The following IL20RA variants were observed in gnomAD, a reference collection of about 807,000 sequenced individuals.
The protein encoded by IL20RA is interleukin-20 receptor subunit alpha.
IL20RA carries 29 observed loss-of-function variants against 36.5 expected under a neutral mutation model. The observed-to-expected ratio is 0.79, with a 90% CI of 0.59 to 1.08. The LOEUF is 1.08. IL20RA is among the 50% of genes least tolerant of loss of function. IL20RA has a pLI of 0.00. For missense variants in IL20RA, 652 were observed against 668.4 expected, an observed-to-expected ratio of 0.98 and a Z score of 0.27; for synonymous variants, 279 against 267.1, an observed-to-expected ratio of 1.04 and a Z score of -0.43.
intron 1 of IL20RA, among the ~76,000 whole-genome samples, chr6:137,020,546 C>T (rs45758): frequency 0.82 from 122,953 of 150,388 alleles, 55,762 homozygotes; most frequent in East Asian, 1. Context: ...CTTGCCTTAA[C>T]AATTTTGAGA....
intron 1 of IL20RA, among the ~76,000 whole-genome samples, chr6:137,018,728 A>C (rs1775795001): frequency 6.6e-6 from 1 of 152,170 alleles, no homozygotes; most frequent in South Asian, 2.1e-4. Flanking sequence ...TCTCAATTTT[A>C]ATCAGATTTT....
intron 5 of IL20RA, among the ~76,000 whole-genome samples, chr6:137,005,725 C>G (rs560717740): frequency 6.6e-6 from 1 of 152,040 alleles, no homozygotes; most frequent in African/African-American, 2.4e-5. Context: ...CAGATTACTA[C>G]CTATAATGTG....
intron 1 of IL20RA, among the ~76,000 whole-genome samples, chr6:137,021,674 T>G (rs1775912572): frequency 6.6e-6 from 1 of 151,938 alleles, no homozygotes; most frequent in Admixed American, 6.6e-5. Flanking sequence ...TCTCAAAAAA[T>G]AAAATGTTGA....
At chr6:137,005,646 T>TTTG (rs1019141217) in intron 5 of IL20RA, among the ~76,000 whole-genome samples, 3 of 151,974 alleles carry the variant, frequency 2.0e-5, no homozygotes, top group African/African-American at 4.8e-5. Flanking sequence ...TGTGAAGGTT[T>TTTG]TTGTTGTTGT....
At chr6:137,009,053 G>A (rs115133173) in intron 4 of IL20RA, 144 of 577,638 alleles carry the variant, frequency 2.5e-4, no homozygotes, top group Non-Finnish European at 2.1e-5. Context: ...CTGTGCAAGT[G>A]AAAGCTCTTC....
chr6:137,004,161 T>TTTTTTTTTTTTG (rs1775184163), intron 6 of IL20RA, among the ~76,000 whole-genome samples: 1 of 14,984 alleles, frequency 6.7e-5, no homozygotes, highest in African/African-American at 1.4e-4. Flanking sequence ...CCAGAAAGCT[T>TTTTTTTTTTTTG]TTTTTTTTTT....
intron 1 of IL20RA, among the ~76,000 whole-genome samples, chr6:137,026,976 G>T (rs1049545306): frequency 6.6e-6 from 1 of 151,998 alleles, no homozygotes; most frequent in African/African-American, 2.4e-5. Flanking sequence ...CCGCCTCCCA[G>T]GCTGAAGCCA....
chr6:137,015,422 T>C (rs1775649261), intron 2 of IL20RA, among the ~76,000 whole-genome samples: 1 of 152,244 alleles, frequency 6.6e-6, no homozygotes, highest in Non-Finnish European at 1.5e-5. Context: ...TTATGCACTC[T>C]AACAAAATTA....
chr6:137,002,614 GT>G (rs1173837996), intron 6 of IL20RA, among the ~76,000 whole-genome samples: 21 of 152,222 alleles, frequency 1.4e-4, no homozygotes, highest in African/African-American at 4.8e-4. Flanking sequence ...GGGCTGGGGC[GT>G]TGGTGCCCCC....
chr6:137,002,029 TGTTTTATCCGGGG>T lies in IL20RA; in HGVS notation c.1178_1190del (p.Pro393GlnfsTer61). 12 of 1,614,208 alleles carry T rather than the reference TGTTTTATCCGGGG, an allele frequency of 7.4e-6. No homozygotes were observed. Among genetic ancestry groups the T allele is most frequent in the Non-Finnish European group, 1.0e-5 (12 of 1,180,034 alleles). On this transcript the variant is annotated frameshift_variant, in exon 7 of 7. Transcript: ENST00000316649. LOFTEE classifies it low-confidence loss of function (END_TRUNC). ...TGACATCATATTCATATTCAATGAC[TGTTTTATCCGGGG>T]GTATTGTTCTGCTGAGGGACTCTTG...
chr6:137,031,061 A>G (rs1252540957), intron 1 of IL20RA, among the ~76,000 whole-genome samples: 1 of 152,232 alleles, frequency 6.6e-6, no homozygotes, highest in Non-Finnish European at 1.5e-5. Flanking sequence ...TTGTTATTAT[A>G]TGAATAACTG....
intron 1 of IL20RA, among the ~76,000 whole-genome samples, chr6:137,041,813 T>A (rs987874526): frequency 2.2e-4 from 30 of 136,252 alleles, no homozygotes; most frequent in Admixed American, 1.1e-3. Flanking sequence ...TATTTTTTTT[T>A]AAATATATAT....
In IL20RA at chr6:137,021,578, T is replaced by C. The variant is rs532746580; in HGVS notation, c.89-4475A>G. On this transcript the variant is annotated intron_variant, in intron 1 of 6. Transcript: ENST00000316649. The stretch of plus-strand genomic sequence containing the variant: ...CCTGTAGTCCCAGCTATTTGGGAGG[T>C]TGGGGCAGGAGAATCACTTGAACCA... Among the ~76,000 whole-genome samples the C allele has an allele frequency of 4.1e-4, 61 of 149,826 alleles. 1 individual carries two copies. In the South Asian group the frequency reaches 0.013, roughly 31 times the overall value.
chr6:137,014,688 T>TA (rs1425964566), intron 2 of IL20RA, among the ~76,000 whole-genome samples: 2 of 152,168 alleles, frequency 1.3e-5, no homozygotes, highest in Non-Finnish European at 2.9e-5. Context: ...TGAAAATCAG[T>TA]ACACTTATAG....
intron 1 of IL20RA, among the ~76,000 whole-genome samples, chr6:137,022,032 ACCT>A (rs1400043736): frequency 6.6e-6 from 1 of 152,122 alleles, no homozygotes; most frequent in African/African-American, 2.4e-5. Flanking sequence ...CATACTCTTA[ACCT>A]CCTCACTCAC....
At chr6:137,019,245 G>A (rs957933091) in intron 1 of IL20RA, among the ~76,000 whole-genome samples, 2 of 151,756 alleles carry the variant, frequency 1.3e-5, no homozygotes, top group African/African-American at 4.8e-5. Context: ...TCTTGCCTCA[G>A]CCTCCCAAAT....
intron 1 of IL20RA, among the ~76,000 whole-genome samples, chr6:137,026,255 T>A (rs1004561596): frequency 6.6e-6 from 1 of 152,230 alleles, no homozygotes; most frequent in Non-Finnish European, 1.5e-5. Context: ...CCAGGTCTTA[T>A]AAGGTCTTTG....
rs1775030241 is a variant in IL20RA, at chr6:137,001,501, C to T, written c.*57G>A. On this transcript the variant is annotated 3_prime_UTR_variant, in exon 7 of 7. Coordinates refer to ENST00000316649, the MANE Select transcript of IL20RA (RefSeq NM_014432.4). ...ATCCCAGGTACTTTATGGCTGGGAT[C>T]AAAGGGGTGACTCACTTGTTTGCAC... The T allele has an allele frequency of 1.4e-6, 2 of 1,457,440 alleles. No homozygotes were observed. Among genetic ancestry groups the T allele is most frequent in the Non-Finnish European group, 1.8e-6 (2 of 1,085,820 alleles). 90.3% of individuals were successfully genotyped at this position (1,457,440 alleles called of 1,614,324 possible).
intron 2 of IL20RA, among the ~76,000 whole-genome samples, chr6:137,011,920 G>C (rs1775515916): frequency 6.6e-6 from 1 of 151,960 alleles, no homozygotes; most frequent in South Asian, 2.1e-4. Context: ...ATGATTCTAG[G>C]GAAAATACAC....
Sources: gnomAD v4.1 joint callset for allele counts (sites outside exome capture counted in the v4.1 genomes callset) on GRCh38, gnomAD v4.1.1 for gene constraint, MANE v1.5 for transcripts, NCBI Gene and HGNC (gene_info 2026-07-23, HGNC 2026-07-21) for gene names.